CEACAM16: variants seen among roughly 807,000 people sequenced by gnomAD.
The protein encoded by CEACAM16 is cell adhesion molecule CEACAM16.
CEACAM16 carries 30 observed loss-of-function variants against 39.4 expected under a neutral mutation model. The observed-to-expected ratio is 0.76, with a 90% CI of 0.57 to 1.03. The LOEUF (loss-of-function observed/expected upper bound fraction) is 1.03, where lower values mean the gene tolerates loss of function less well. Among genes scored for constraint, CEACAM16 ranks in the 50% least tolerant of loss-of-function variants. CEACAM16 has a pLI of 0.00. For missense variants in CEACAM16, 521 were observed against 585.3 expected, an observed-to-expected ratio of 0.89 and a Z score of 1.13; for synonymous variants, 262 against 264.9, an observed-to-expected ratio of 0.99 and a Z score of 0.11.
Position 44,705,691 on chromosome 19 carries a change from A to G in CEACAM16, c.763A>G (p.Arg255Gly), listed in dbSNP as rs1347137461. 1 of 1,613,842 alleles carries G rather than the reference A, an allele frequency of 6.2e-7. No individual in the cohort carries two copies. The highest frequency in any genetic ancestry group is 8.5e-7 in the Non-Finnish European group (1 of 1,179,852). ...GTCCCTCACCCTGTGGTGCGTGTCC[A>G]GGTCCTGCCCAGAGCCCGAGTATGT... ...NTSLTLWCVSRSCPEPEYVWT... is the reference protein window; with the variant it reads ...NTSLTLWCVSGSCPEPEYVWT... The change falls in exon 5 of 7, where the codon AGG (arginine) becomes GGG (glycine). Residue 255 changes from arginine (R) to glycine (G), a missense_variant. Physicochemically the swap from Arg to Gly is moderately radical, Grantham distance 125. Transcript: ENST00000587331.
chr19:44,700,059 G>A (rs1456132791), intron 1 of CEACAM16, among the ~76,000 whole-genome samples: 1 of 152,184 alleles, frequency 6.6e-6, no homozygotes, highest in African/African-American at 2.4e-5. Flanking sequence ...AGGCTGGAGT[G>A]CAGTGGTGTG....
Position 44,701,503 on chromosome 19 carries a change from A to G in CEACAM16, c.37+10A>G. ...TGGCTGCTCCTCAGTGGTGAGCGAG[A>G]ATGGCACCCCCCAGCACCTCAGCCC... On this transcript the variant is annotated intron_variant, in intron 2 of 6. Coordinates refer to ENST00000587331, the MANE Select transcript of CEACAM16 (RefSeq NM_001039213.4). This position sits in a 1 kb window ranked among gnomAD's most constrained non-coding sequence, Gnocchi z 4.0. 1.3e-6 allele frequency: 2 copies of G among 1,562,480 alleles called. No individual in the cohort carries two copies. The highest frequency in any genetic ancestry group is 1.7e-6 in the Non-Finnish European group (2 of 1,152,938).
In CEACAM16 at chr19:44,705,709, G is replaced by T. The variant is rs201188632; in HGVS notation, c.781G>T (p.Glu261Ter). Residue 261 changes from glutamate (E) to a stop codon, truncating the protein, a stop_gained, in exon 5 of 7, where the codon GAG becomes TAG. Coordinates refer to ENST00000587331, the MANE Select transcript of CEACAM16 (RefSeq NM_001039213.4). LOFTEE classifies it high-confidence loss of function. ...CGTGTCCAGGTCCTGCCCAGAGCCC[G>T]AGTATGTGTGGACCTTCAACGGGCA... ...WCVSRSCPEP[E>*]YVWTFNGQAL... 2.5e-6 allele frequency: 4 copies of T among 1,613,836 alleles called. No individual in the cohort carries two copies. The highest frequency in any genetic ancestry group is 3.4e-6 in the Non-Finnish European group (4 of 1,179,864).
chr19:44,703,395 T>C lies in CEACAM16; in HGVS notation c.84T>C (p.Pro28=), dbSNP rs1171451134. The part of the protein sequence containing the change: ...VGAEISITLE[P]AQPSEGDNVT... ...CCGAGATCTCTATCACCCTGGAGCC[T>C]GCCCAGCCGAGCGAAGGGGACAACG... The change falls in exon 3 of 7, where the codon CCT becomes CCC. Residue 28 remains proline (P), a synonymous_variant. Transcript: ENST00000587331. 1 of 1,613,528 alleles carries C rather than the reference T, an allele frequency of 6.2e-7. No homozygotes were observed. Among genetic ancestry groups the C allele is most frequent in the Non-Finnish European group, 8.5e-7 (1 of 1,179,872 alleles).
intron 2 of CEACAM16, among the ~76,000 whole-genome samples, chr19:44,703,001 C>A (rs1442500177): frequency 6.6e-6 from 1 of 152,232 alleles, no homozygotes; most frequent in South Asian, 2.1e-4. Flanking sequence ...ATCTGACTAA[C>A]ATGTATTGGG....
chr19:44,709,401 C>T (rs111442863), intron 6 of CEACAM16, among the ~76,000 whole-genome samples: 3 of 141,396 alleles, frequency 2.1e-5, no homozygotes, highest in Non-Finnish European at 3.1e-5. Flanking sequence ...TATGTCTCCT[C>T]CATCAGACCG....
intron 5 of CEACAM16, among the ~76,000 whole-genome samples, chr19:44,706,159 C>T (rs1974444017): frequency 1.3e-5 from 2 of 152,062 alleles, no homozygotes; most frequent in South Asian, 2.1e-4. Flanking sequence ...AATTCAGTCA[C>T]CAGCTGTTTA....
intron 5 of CEACAM16, 45 bp downstream of exon 5, chr19:44,705,913 C>G: frequency 6.3e-7 from 1 of 1,575,364 alleles, no homozygotes; most frequent in Non-Finnish European, 8.7e-7. Flanking sequence ...CCATGGAGGC[C>G]TCATCAGGCT....
Position 44,701,501 on chromosome 19 carries a change from A to C in CEACAM16, c.37+8A>C. ...GCTGGCTGCTCCTCAGTGGTGAGCG[A>C]GAATGGCACCCCCCAGCACCTCAGC... On this transcript the variant is annotated splice_region_variant and intron_variant, in intron 2 of 6. Transcript: ENST00000587331. The surrounding 1 kb of genome is among the most constrained non-coding windows in gnomAD (Gnocchi z 4.0). 6.4e-7 allele frequency: 1 copy of C among 1,562,898 alleles called. No individual in the cohort carries two copies.
chr19:44,703,899 C>T, intron 3 of CEACAM16, 119 bp from the exon 4 acceptor site: 1 of 1,249,992 alleles, frequency 8.0e-7, no homozygotes, highest in Non-Finnish European at 1.1e-6. Flanking sequence ...TTCTTTGTCC[C>T]TCCGGCTGAG....
At chr19:44,707,793 AG>A in intron 5 of CEACAM16, 67 bp from the exon 6 acceptor site, 2 of 1,363,708 alleles carry the variant, frequency 1.5e-6, no homozygotes, top group Non-Finnish European at 2.0e-6. Flanking sequence ...GAGGCCAGCA[AG>A]GGTTGGGAAG....
In CEACAM16 at chr19:44,705,684, C is replaced by T. The variant is rs759403357; in HGVS notation, c.756C>T (p.Cys252=). The T allele has an allele frequency of 5.6e-6, 9 of 1,613,796 alleles. No individual in the cohort carries two copies. Among genetic ancestry groups the T allele is most frequent in the South Asian group, 5.5e-5 (5 of 91,072 alleles). The stretch of plus-strand genomic sequence containing the variant: ...TCAACACGTCCCTCACCCTGTGGTG[C>T]GTGTCCAGGTCCTGCCCAGAGCCCG... The part of the protein sequence containing the change: ...VDFNTSLTLW[C]VSRSCPEPEY... The change falls in exon 5 of 7, where the codon TGC becomes TGT. Residue 252 remains cysteine, a synonymous_variant. Coordinates refer to ENST00000587331, the MANE Select transcript of CEACAM16 (RefSeq NM_001039213.4).
At chr19:44,710,421 G>C in intron 6 of CEACAM16, 75 bp from the exon 7 acceptor site, 1 of 1,544,314 alleles carries the variant, frequency 6.5e-7, no homozygotes, top group African/African-American at 1.4e-5. Flanking sequence ...GAGCAGAAGG[G>C]GTGGGGGCAC....
chr19:44,700,281 A>G (rs1974324077), intron 1 of CEACAM16, among the ~76,000 whole-genome samples: 1 of 152,166 alleles, frequency 6.6e-6, no homozygotes, highest in African/African-American at 2.4e-5. Flanking sequence ...TTGGGATTAC[A>G]GGCGTTAGCC....
Position 44,701,614 on chromosome 19 carries a change from C to T in CEACAM16, c.37+121C>T. Reference sequence around the variant, plus strand: ...AGTCCAGCGTGCTAGGGAGGGAGGGCAGCCCTGCTTCACACCGGCAGTTTA... The same window carrying T: ...AGTCCAGCGTGCTAGGGAGGGAGGGTAGCCCTGCTTCACACCGGCAGTTTA... On this transcript the variant is annotated intron_variant, in intron 2 of 6. Coordinates refer to ENST00000587331, the MANE Select transcript of CEACAM16 (RefSeq NM_001039213.4). The surrounding 1 kb of genome is among the most constrained non-coding windows in gnomAD (Gnocchi z 4.0). The T allele has an allele frequency of 1.0e-6, 1 of 989,330 alleles. No individual in the cohort carries two copies. Among genetic ancestry groups the T allele is most frequent in the African/African-American group, 1.6e-5 (1 of 62,796 alleles). The allele number at this position is 989,330 out of a possible 1,614,324, so 61.3% of individuals were successfully genotyped here.
In CEACAM16 at chr19:44,701,270, T is replaced by A; in HGVS notation, c.-96-91T>A. ...TGGCCGGTGCCCGCCACACCCACCC[T>A]GGTACCCAAACCGGGCCCCAGATCC... On this transcript the variant is annotated intron_variant, in intron 1 of 6. Transcript: ENST00000587331. The surrounding 1 kb of genome is among the most constrained non-coding windows in gnomAD (Gnocchi z 4.0). 1 of 698,354 alleles carries A rather than the reference T, an allele frequency of 1.4e-6. No individual in the cohort carries two copies. The highest frequency in any genetic ancestry group is 2.5e-6 in the Non-Finnish European group (1 of 397,542). The allele number at this position is 698,354 out of a possible 1,614,324, so 43.3% of individuals were successfully genotyped here. A position where few individuals can be genotyped will look rare whatever the true frequency, so the allele number is the denominator to read the frequency against.
In CEACAM16 at chr19:44,705,484, C is replaced by T. The variant is rs980208221; in HGVS notation, c.662-106C>T. 8.0e-6 allele frequency: 10 copies of T among 1,247,342 alleles called. No individual in the cohort carries two copies. The Admixed American group carries it at 1.4e-4, about 17-fold the overall frequency. The allele number at this position is 1,247,342 out of a possible 1,614,324, so 77.3% of individuals were successfully genotyped here. A position where few individuals can be genotyped will look rare whatever the true frequency, so the allele number is the denominator to read the frequency against. ...AGAGCTTTTTTTCCCCTCCACTAGG[C>T]CAAGATATTCCCAGGGACCTAGCTT... On this transcript the variant is annotated intron_variant, in intron 4 of 6. Coordinates refer to ENST00000587331, the MANE Select transcript of CEACAM16 (RefSeq NM_001039213.4).
In CEACAM16 at chr19:44,705,793, G is replaced by A. The variant is rs760693860; in HGVS notation, c.865G>A (p.Gly289Arg). 7 of 1,613,856 alleles carry A rather than the reference G, an allele frequency of 4.3e-6. No homozygotes were observed. The East Asian group carries it at 1.6e-4, about 36-fold the overall frequency. ...NISSMTAAQE[G>R]TYTCIAKNTK... Reference sequence around the variant, plus strand: ...CAGCAGCATGACAGCCGCCCAGGAGGGGACGTACACATGTATTGCGAAGAA... The same window carrying A: ...CAGCAGCATGACAGCCGCCCAGGAGAGGACGTACACATGTATTGCGAAGAA... Residue 289 changes from glycine to arginine, a missense_variant, in exon 5 of 7, where the codon GGG becomes AGG. By Grantham distance (125) the Gly-to-Arg change is moderately radical. Coordinates refer to ENST00000587331, the MANE Select transcript of CEACAM16 (RefSeq NM_001039213.4).
In CEACAM16 at chr19:44,703,201, T is replaced by TCC. The variant is rs201962453; in HGVS notation, c.38-148_38-147insCC. 2.5e-3 allele frequency: 1,569 copies of TCC among 631,392 alleles called. 26 individuals are homozygous for TCC. Among genetic ancestry groups the TCC allele is most frequent in the African/African-American group, 0.024 (1,328 of 54,720 alleles). 39.1% of individuals were successfully genotyped at this position (631,392 alleles called of 1,614,324 possible). A position where few individuals can be genotyped will look rare whatever the true frequency, so the allele number is the denominator to read the frequency against. On this transcript the variant is annotated intron_variant, in intron 2 of 6. Transcript: ENST00000587331. Reference sequence around the variant, plus strand: ...TGGCTGAGATGTTGAGAGTCAGAGTTGCAGGTTCAAATCCTGGTTTTGCCT... The same window carrying TCC: ...TGGCTGAGATGTTGAGAGTCAGAGTTCCGCAGGTTCAAATCCTGGTTTTGCCT...
Sources: allele counts gnomAD v4.1 joint callset (sites outside exome capture counted in the v4.1 genomes callset), GRCh38; gene constraint gnomAD v4.1.1; non-coding constraint Gnocchi (gnomAD v3.1); transcripts MANE v1.5; gene names NCBI Gene and HGNC (gene_info 2026-07-23, HGNC 2026-07-21).